Variants in ZNF236 observed in about 807,000 individuals in gnomAD.
ZNF236 encodes regulated by glucose.
In ZNF236, 50 loss-of-function variants were observed where a neutral mutation model predicts 191.2. The ratio of observed to expected loss-of-function variants is 0.26; its 90% CI spans 0.21 to 0.33. The LOEUF (loss-of-function observed/expected upper bound fraction) is 0.33, where lower values mean the gene tolerates loss of function less well. Ranked by LOEUF, ZNF236 falls within the 10% of genes least tolerant of loss-of-function variation. The pLI is 1.00. For missense variants in ZNF236, 1,754 were observed against 2,374.5 expected (o/e 0.74, Z 5.43); for synonymous variants, 907 against 928.8 (o/e 0.98, Z 0.43).
At chr18:76,935,800 C>T (rs1178640009) in intron 25 of ZNF236, among the ~76,000 whole-genome samples, 1 of 152,214 alleles carries the variant, frequency 6.6e-6, no homozygotes, top group Non-Finnish European at 1.5e-5. Flanking sequence ...CTGTACTGGT[C>T]ACTGGAACGC....
chr18:76,914,226 G>A (rs1433041865), intron 18 of ZNF236, among the ~76,000 whole-genome samples: 1 of 152,192 alleles, frequency 6.6e-6, no homozygotes, highest in Admixed American at 6.5e-5. Flanking sequence ...TTCTTTCACA[G>A]CACAGTGTGC....
chr18:76,908,977 G>C (rs372888781), intron 14 of ZNF236, among the ~76,000 whole-genome samples: 2 of 75,424 alleles, frequency 2.7e-5, no homozygotes, highest in Non-Finnish European at 6.3e-5. Flanking sequence ...GTGTGTGTGT[G>C]TGTGTGTGTG....
intron 1 of ZNF236, among the ~76,000 whole-genome samples, chr18:76,833,213 T>C (rs929244970): frequency 6.6e-6 from 1 of 152,196 alleles, no homozygotes; most frequent in Non-Finnish European, 1.5e-5. Context: ...TCTAGCTCAT[T>C]GTACTGGCTA....
Position 76,925,045 on chromosome 18 carries a change from A to T in ZNF236, c.3662-144A>T. The T allele has an allele frequency of 3.2e-6, 4 of 1,265,582 alleles. No homozygotes were observed. The highest frequency in any genetic ancestry group is 4.3e-6 in the Non-Finnish European group (4 of 919,856). 78.4% of individuals were successfully genotyped at this position (1,265,582 alleles called of 1,614,324 possible). On this transcript the variant is annotated intron_variant, in intron 21 of 30. Coordinates refer to ENST00000320610, the MANE Select transcript of ZNF236 (RefSeq NM_001306089.2). The surrounding 1 kb of genome is among the most constrained non-coding windows in gnomAD (Gnocchi z 5.7). ...AGCAATTGCCTGTGACGTCCGTAAC[A>T]TCTTATAGGTGAAAGGGATTCTCAT...
At chr18:76,835,870 A>G (rs1163995260) in intron 1 of ZNF236, among the ~76,000 whole-genome samples, 1 of 151,652 alleles carries the variant, frequency 6.6e-6, no homozygotes, top group African/African-American at 2.4e-5. Context: ...GCATTTTTAA[A>G]TGTCATTTAT....
chr18:76,857,350 GC>G (rs1229823548), intron 3 of ZNF236, among the ~76,000 whole-genome samples: 1 of 152,016 alleles, frequency 6.6e-6, no homozygotes, highest in African/African-American at 2.4e-5. Flanking sequence ...TCTCAAGCCA[GC>G]CCCCCGACCC....
chr18:76,837,437 C>CTTTTTTTTT (rs71760598), intron 1 of ZNF236, among the ~76,000 whole-genome samples: 3 of 105,852 alleles, frequency 2.8e-5, no homozygotes, highest in Non-Finnish European at 3.8e-5. Context: ...TTTTCTTTTT[C>CTTTTTTTTT]TTTTTTTTTT....
Position 76,956,161 on chromosome 18 carries a change from C to G in ZNF236, c.5091C>G (p.Phe1697Leu). The change falls in exon 28 of 31, where the codon TTC becomes TTG. Residue 1697 changes from phenylalanine (F) to leucine (L), a missense_variant. Around this residue, in one of 5 missense-constraint regions of ZNF236, gnomAD observed 606 missense variants for 761.5 expected, o/e 0.80. Transcript: ENST00000320610. Reference sequence around the variant, plus strand: ...GCTGCCCCGTGTGCAGGAAGGCCTTCAAGCGCGCCACGCACCTCAAGGTAG... The same window carrying G: ...GCTGCCCCGTGTGCAGGAAGGCCTTGAAGCGCGCCACGCACCTCAAGGTAG... ...IHGCPVCRKA[F>L]KRATHLKEHM... 6.4e-7 allele frequency: 1 copy of G among 1,554,228 alleles called. No homozygotes were observed. The highest frequency in any genetic ancestry group is 1.4e-5 in the African/African-American group (1 of 73,608).
In ZNF236 at chr18:76,868,855, C is replaced by T. The variant is rs780385493; in HGVS notation, c.534C>T (p.Tyr178=). Residue 178 remains tyrosine (Y), a synonymous_variant, in exon 4 of 31, where the codon TAC becomes TAT. Coordinates refer to ENST00000320610, the MANE Select transcript of ZNF236 (RefSeq NM_001306089.2). The part of the protein sequence containing the change: ...SELKEHMKTH[Y]KIRVSSTRSY... The stretch of plus-strand genomic sequence containing the variant: ...TGAAGGAACACATGAAGACTCATTA[C>T]AAAATTAGGTATGAGTCATTACATG... The T allele has an allele frequency of 1.2e-6, 2 of 1,602,124 alleles. No individual in the cohort carries two copies. Among genetic ancestry groups the T allele is most frequent in the Admixed American group, 3.4e-5 (2 of 58,326 alleles).
rs75109040 is a variant in ZNF236, at chr18:76,885,657, C to T, written c.1417+4145C>T. On this transcript the variant is annotated intron_variant, in intron 9 of 30. Transcript: ENST00000320610. ...CATGAGCAGAGGCATGAACATCTGTCGTAAAATGGGGATACCTGTGTCTTA... is the reference window on the plus strand; with the variant it reads ...CATGAGCAGAGGCATGAACATCTGTTGTAAAATGGGGATACCTGTGTCTTA... The T allele has an allele frequency of 6.6e-3, 1,166 of 177,430 alleles. 14 individuals are homozygous for T. The highest frequency in any genetic ancestry group is 0.026 in the African/African-American group (1,084 of 42,054). The allele number at this position is 177,430 out of a possible 1,614,324, so 11.0% of individuals were successfully genotyped here.
chr18:76,881,593 T>G, intron 9 of ZNF236, 81 bp downstream of exon 9: 3 of 1,219,632 alleles, frequency 2.5e-6, no homozygotes, highest in Non-Finnish European at 3.4e-6. Context: ...TCTTTTTTCC[T>G]CTGAAGGTGA....
rs1292253721 is a variant in ZNF236 at position 76,825,833 on chromosome 18, ACTC to A, written c.55+3174_55+3176del. On this transcript the variant is annotated intron_variant, in intron 1 of 30. Coordinates refer to ENST00000320610, the MANE Select transcript of ZNF236 (RefSeq NM_001306089.2). Reference sequence around the variant, plus strand: ...ACAATGTTGCCCAGGCTGGTCTTGAACTCCTGGGCTCAAGTGATTCTCCCACGT... The same window carrying A: ...ACAATGTTGCCCAGGCTGGTCTTGAACTGGGCTCAAGTGATTCTCCCACGT... 4.0e-5 allele frequency among the ~76,000 whole-genome samples: 6 copies of A among 151,112 alleles called. No homozygotes were observed. In the East Asian group the frequency reaches 9.7e-4, roughly 25 times the overall value.
At chr18:76,882,360 C>T (rs1976924297) in intron 9 of ZNF236, among the ~76,000 whole-genome samples, 1 of 152,168 alleles carries the variant, frequency 6.6e-6, no homozygotes, top group Non-Finnish European at 1.5e-5. Context: ...TTCCTGCGTT[C>T]TCTCATGTTA....
chr18:76,864,392 G>C (rs1400417040), intron 3 of ZNF236, among the ~76,000 whole-genome samples: 1 of 151,816 alleles, frequency 6.6e-6, no homozygotes, highest in African/African-American at 2.4e-5. Context: ...TAGAGATGGC[G>C]TTTCACCTTG....
chr18:76,904,136 T>G (rs1471121735), intron 11 of ZNF236, among the ~76,000 whole-genome samples: 2 of 151,538 alleles, frequency 1.3e-5, no homozygotes, highest in African/African-American at 4.8e-5. Context: ...TATATTAATT[T>G]ATAATGTTTG....
intron 28 of ZNF236, among the ~76,000 whole-genome samples, chr18:76,957,957 T>C (rs1056940722): frequency 1.3e-5 from 2 of 152,234 alleles, no homozygotes; most frequent in African/African-American, 2.4e-5. Flanking sequence ...TAAGAGCTTC[T>C]GCACAGCAAA....
intron 3 of ZNF236, among the ~76,000 whole-genome samples, chr18:76,862,697 G>T (rs1976277700): frequency 6.6e-6 from 1 of 152,184 alleles, no homozygotes; most frequent in Non-Finnish European, 1.5e-5. Context: ...AGACAAGTCT[G>T]CACTGTGCTT....
chr18:76,937,903 A>G (rs753676818), intron 26 of ZNF236, among the ~76,000 whole-genome samples: 2 of 152,244 alleles, frequency 1.3e-5, no homozygotes, highest in Non-Finnish European at 2.9e-5. Context: ...ATAATGATAC[A>G]TTATGATTAG....
At chr18:76,936,697 T>G (rs1481089937) in intron 25 of ZNF236, among the ~76,000 whole-genome samples, 1 of 152,198 alleles carries the variant, frequency 6.6e-6, no homozygotes, top group Non-Finnish European at 1.5e-5. Context: ...CCTCAGTGGA[T>G]CACACTTGCT....
Sources: gnomAD v4.1 joint callset for allele counts (sites outside exome capture counted in the v4.1 genomes callset) on GRCh38, gnomAD v4.1.1 for gene constraint, gnomAD v4.1.1 regional missense constraint, Gnocchi (gnomAD v3.1) non-coding constraint, MANE v1.5 for transcripts, NCBI Gene and HGNC (gene_info 2026-07-23, HGNC 2026-07-21) for gene names.